KAT2B: variants seen among roughly 807,000 people sequenced by gnomAD.
The protein encoded by KAT2B is lysine acetyltransferase 2B.
In KAT2B, 36 loss-of-function variants were observed where a neutral mutation model predicts 105.9. The ratio of observed to expected loss-of-function variants is 0.34; its 90% CI spans 0.26 to 0.45. The LOEUF (loss-of-function observed/expected upper bound fraction) is 0.45. KAT2B is among the 20% of genes least tolerant of loss of function. KAT2B has a pLI of 1.00. For missense variants in KAT2B, 820 were observed against 1,021.6 expected, an observed-to-expected ratio of 0.80 and a Z score of 2.69; for synonymous variants, 397 against 377.9, an observed-to-expected ratio of 1.05 and a Z score of -0.59.
At chr3:20,080,622 G>C (rs989154707) in intron 2 of KAT2B, among the ~76,000 whole-genome samples, 5 of 152,148 alleles carry the variant, frequency 3.3e-5, no homozygotes, top group Non-Finnish European at 7.3e-5. Context: ...TAAAATGAGG[G>C]CTGGTTGCAT....
intron 2 of KAT2B, among the ~76,000 whole-genome samples, chr3:20,092,597 G>A (rs527247551): frequency 6.7e-4 from 101 of 151,706 alleles, no homozygotes; most frequent in African/African-American, 2.3e-3. Flanking sequence ...CAAACATTAG[G>A]TGCTGTAACA....
At chr3:20,094,266 C>A (rs1013633957) in intron 2 of KAT2B, among the ~76,000 whole-genome samples, 1 of 151,836 alleles carries the variant, frequency 6.6e-6, no homozygotes, top group African/African-American at 2.4e-5. Context: ...AGAGAGAGAG[C>A]GAGCGAGCGA....
chr3:20,121,985 C>T (rs73818821), intron 8 of KAT2B, among the ~76,000 whole-genome samples: 1,555 of 152,100 alleles, frequency 0.01, 28 homozygotes, highest in East Asian at 0.039. Context: ...AGCCCAAAGC[C>T]TAATGCAAAC....
chr3:20,128,883 C>T (rs906371291), intron 11 of KAT2B, among the ~76,000 whole-genome samples: 5 of 151,260 alleles, frequency 3.3e-5, no homozygotes, highest in South Asian at 2.1e-4. Flanking sequence ...GGCACATGCC[C>T]GTAGTCCCAG....
At chr3:20,073,695 G>A (rs1190396072) in intron 2 of KAT2B, among the ~76,000 whole-genome samples, 3 of 151,372 alleles carry the variant, frequency 2.0e-5, no homozygotes, top group African/African-American at 7.3e-5. Flanking sequence ...AACTGTCCTT[G>A]ATTATAATTT....
chr3:20,074,582 T>TA (rs1698385238), intron 2 of KAT2B, among the ~76,000 whole-genome samples: 1 of 152,182 alleles, frequency 6.6e-6, no homozygotes, highest in South Asian at 2.1e-4. Flanking sequence ...ATCAGGGTTC[T>TA]TTTACTTCAC....
At chr3:20,135,083 A>G (rs1263057132) in intron 11 of KAT2B, among the ~76,000 whole-genome samples, 1 of 152,174 alleles carries the variant, frequency 6.6e-6, no homozygotes. Flanking sequence ...TTATATGTTT[A>G]TCTTCCCCAT....
At chr3:20,076,068 C>G (rs2125183664) in intron 2 of KAT2B, among the ~76,000 whole-genome samples, 1 of 152,214 alleles carries the variant, frequency 6.6e-6, no homozygotes, top group Non-Finnish European at 1.5e-5. Flanking sequence ...TATCTGTGCA[C>G]TATCTTAAGT....
At chr3:20,062,026 AT>A in intron 1 of KAT2B, among the ~76,000 whole-genome samples, 1 of 41,670 alleles carries the variant, frequency 2.4e-5, no homozygotes, top group African/African-American at 2.7e-4. Context: ...TATATAAAAC[AT>A]AATATATATT....
intron 1 of KAT2B, among the ~76,000 whole-genome samples, chr3:20,058,566 T>C (rs373400803): frequency 6.6e-6 from 1 of 152,304 alleles, no homozygotes; most frequent in African/African-American, 2.4e-5. Flanking sequence ...CAGGCAGTTT[T>C]GTTCTCCTGA....
chr3:20,147,524 G>A (rs906108785), intron 14 of KAT2B, among the ~76,000 whole-genome samples: 1 of 152,156 alleles, frequency 6.6e-6, no homozygotes, highest in African/African-American at 2.4e-5. Context: ...ACTCCAGGCT[G>A]TTTTCTATCT....
intron 3 of KAT2B, among the ~76,000 whole-genome samples, chr3:20,098,861 T>C (rs944766224): frequency 2.0e-5 from 3 of 152,160 alleles, no homozygotes; most frequent in African/African-American, 2.4e-5. Flanking sequence ...GAGGTCCTTG[T>C]AAGACACAGT....
chr3:20,148,234 C>G lies in KAT2B; in HGVS notation c.2157-9C>G. On this transcript the variant is annotated splice_polypyrimidine_tract_variant and intron_variant, in intron 15 of 17. Coordinates refer to ENST00000263754, the MANE Select transcript of KAT2B (RefSeq NM_003884.5). The stretch of plus-strand genomic sequence containing the variant: ...ATCATTGCTCCTTGTTTCCCTTTTT[C>G]CTTTCAAGTAAAGAGCCCAGAGACC... 1 of 1,609,410 alleles carries G rather than the reference C, an allele frequency of 6.2e-7. No individual in the cohort carries two copies. Among genetic ancestry groups the G allele is most frequent in the Non-Finnish European group, 8.5e-7 (1 of 1,177,054 alleles).
intron 1 of KAT2B, among the ~76,000 whole-genome samples, chr3:20,054,846 T>TA (rs1697978337): frequency 6.6e-6 from 1 of 152,134 alleles, no homozygotes; most frequent in African/African-American, 2.4e-5. Context: ...ACCTGACTCA[T>TA]CCCACCTCGA....
In KAT2B at chr3:20,127,500, G is replaced by A. The variant is rs1699427733; in HGVS notation, c.1700G>A (p.Gly567Glu). The A allele has an allele frequency of 3.7e-6, 6 of 1,613,486 alleles. No homozygotes were observed. Among genetic ancestry groups the A allele is most frequent in the Non-Finnish European group, 5.1e-6 (6 of 1,179,568 alleles). The change falls in exon 11 of 18, where the codon GGA becomes GAA. Residue 567 changes from glycine (G) to glutamate (E), a missense_variant. Transcript: ENST00000263754. ...TGTTTCCGTATGTTCCCATCTCAAGGATTCACAGAGATTGTCTTCTGTGCT... is the reference window on the plus strand; with the variant it reads ...TGTTTCCGTATGTTCCCATCTCAAGAATTCACAGAGATTGTCTTCTGTGCT... ...GICFRMFPSQ[G>E]FTEIVFCAVT...
Position 20,095,204 on chromosome 3 carries a change from T to C in KAT2B, c.431-59T>C, listed in dbSNP as rs187511076. The C allele has an allele frequency of 4.5e-4, 634 of 1,404,942 alleles. 4 individuals are homozygous for C. The African/African-American group carries it at 8.1e-3, about 18-fold the overall frequency. The allele number at this position is 1,404,942 out of a possible 1,614,324, so 87.0% of individuals were successfully genotyped here. A position where few individuals can be genotyped will look rare whatever the true frequency, so the allele number is the denominator to read the frequency against. ...TGAAAGAGGACCTTCCACTTAAAAA[T>C]GGGGAATGTTTGGTTTCCAATTGAG... is the stretch of plus-strand genomic sequence containing the variant. On this transcript the variant is annotated intron_variant, in intron 2 of 17. Transcript: ENST00000263754.
At chr3:20,062,289 T>TATATAATATATAATATATAAA in intron 1 of KAT2B, among the ~76,000 whole-genome samples, 1 of 44,584 alleles carries the variant, frequency 2.2e-5, no homozygotes, top group African/African-American at 6.6e-5. Context: ...TAAAATATAA[T>TATATAATATATAATATATAAA]ATATAATATA....
chr3:20,047,564 T>C (rs539792656), intron 1 of KAT2B, among the ~76,000 whole-genome samples: 25 of 151,824 alleles, frequency 1.6e-4, no homozygotes, highest in Non-Finnish European at 3.1e-4. Flanking sequence ...CCCAGTGTTA[T>C]GACTTCTTCC....
At chr3:20,048,358 A>G (rs2125164311) in intron 1 of KAT2B, among the ~76,000 whole-genome samples, 1 of 152,358 alleles carries the variant, frequency 6.6e-6, no homozygotes, top group South Asian at 2.1e-4. Flanking sequence ...AAATCTGCTG[A>G]GGACTGTTTT....
Sources: allele counts gnomAD v4.1 joint callset (sites outside exome capture counted in the v4.1 genomes callset), GRCh38; gene constraint gnomAD v4.1.1; transcripts MANE v1.5; gene names NCBI Gene and HGNC (gene_info 2026-07-23, HGNC 2026-07-21).